Variants in RPS6KC1 observed in about 807,000 individuals in gnomAD.
The protein encoded by RPS6KC1 is inactive ribosomal protein S6 kinase delta-1.
A neutral mutation model predicts 103.8 loss-of-function variants in RPS6KC1; 54 were observed. The observed-to-expected ratio is 0.52, with a 90% CI of 0.42 to 0.65. The LOEUF (loss-of-function observed/expected upper bound fraction) is 0.65, where lower values mean the gene tolerates loss of function less well. Ranked by LOEUF, RPS6KC1 falls within the 30% of genes least tolerant of loss-of-function variation. The pLI, the probability that RPS6KC1 is intolerant of heterozygous loss-of-function variation, is 0.00. For missense variants in RPS6KC1, 1,151 were observed against 1,253.8 expected, an observed-to-expected ratio of 0.92 and a Z score of 1.24; for synonymous variants, 439 against 438.7, an observed-to-expected ratio of 1.00 and a Z score of -0.01.
intron 3 of RPS6KC1, among the ~76,000 whole-genome samples, chr1:213,081,611 C>T (rs1041266310): frequency 8.6e-5 from 13 of 151,790 alleles, no homozygotes; most frequent in African/African-American, 2.9e-4. Context: ...ATATCTCATT[C>T]CTGAGATTTA....
the RPS6KC1 span, among the ~76,000 whole-genome samples, chr1:213,702,853 T>TTTTG: frequency 1.5e-4 from 22 of 150,994 alleles, no homozygotes; most frequent in Non-Finnish European, 2.8e-4. Flanking sequence ...GAGGTTTTTT[T>TTTTG]TGTTTGTTTG....
intron 14 of RPS6KC1, among the ~76,000 whole-genome samples, chr1:213,271,720 C>T (rs1267080192): frequency 1.4e-5 from 2 of 145,412 alleles, no homozygotes; most frequent in Admixed American, 7.1e-5. Flanking sequence ...GTCGAGATCG[C>T]GCCACTGCAC....
the RPS6KC1 span, among the ~76,000 whole-genome samples, chr1:213,364,148 A>G: frequency 6.6e-6 from 1 of 152,214 alleles, no homozygotes; most frequent in African/African-American, 2.4e-5. Context: ...CAGAAAATAC[A>G]TAAACAAATG....
chr1:213,202,714 G>A (rs866171502), intron 8 of RPS6KC1, among the ~76,000 whole-genome samples: 22 of 152,112 alleles, frequency 1.4e-4, no homozygotes, highest in African/African-American at 4.8e-4. Flanking sequence ...GAATGGCTGA[G>A]TTAGGGTCTT....
the RPS6KC1 span, among the ~76,000 whole-genome samples, chr1:213,760,157 A>G: frequency 6.6e-6 from 1 of 152,178 alleles, no homozygotes; most frequent in African/African-American, 2.4e-5. Context: ...AGGTTAATAC[A>G]CTCAAGTCAG....
At chr1:213,437,653 T>C in the RPS6KC1 span, among the ~76,000 whole-genome samples, 1 of 152,070 alleles carries the variant, frequency 6.6e-6, no homozygotes, top group Middle Eastern at 3.4e-3. Context: ...ACTAAATAGA[T>C]ACACACTATT....
chr1:213,347,510 C>G, the RPS6KC1 span, among the ~76,000 whole-genome samples: 1 of 152,184 alleles, frequency 6.6e-6, no homozygotes, highest in Admixed American at 6.5e-5. Flanking sequence ...TTGAGACCAG[C>G]CTGGTCAACA....
At position 213,150,999 on chromosome 1, in the gene RPS6KC1, C is replaced by T. The variant is rs1351969124; in HGVS notation, c.836-16859C>T. ...CGGCTGGCCGGGCAGGGGGCTGACC[C>T]CCCCCACCTCCCTCCCGGACGGGGC... is the stretch of plus-strand genomic sequence containing the variant. On this transcript the variant is annotated intron_variant, in intron 6 of 14. Transcript: ENST00000366960. 5.7e-3 allele frequency among the ~76,000 whole-genome samples: 840 copies of T among 147,752 alleles called. 17 individuals are homozygous for T. Among genetic ancestry groups the T allele is most frequent in the African/African-American group, 0.02 (783 of 40,018 alleles).
chr1:213,772,253 G>A, the RPS6KC1 span, among the ~76,000 whole-genome samples: 1 of 152,126 alleles, frequency 6.6e-6, no homozygotes, highest in Non-Finnish European at 1.5e-5. Context: ...CTGCACAATA[G>A]TGTCCAACAT....
the RPS6KC1 span, among the ~76,000 whole-genome samples, chr1:213,740,650 C>A: frequency 7.9e-5 from 12 of 151,274 alleles, no homozygotes; most frequent in Middle Eastern, 3.5e-3. Context: ...ATACATATAT[C>A]TCTCAGATAT....
chr1:213,173,100 G>A lies in RPS6KC1; in HGVS notation c.952-3300G>A, dbSNP rs187603242. Among the ~76,000 whole-genome samples, 4 of 152,204 alleles carry A rather than the reference G, an allele frequency of 2.6e-5. No individual in the cohort carries two copies. In the East Asian group the frequency reaches 7.7e-4, roughly 29 times the overall value. On this transcript the variant is annotated intron_variant, in intron 7 of 14. Coordinates refer to ENST00000366960, the MANE Select transcript of RPS6KC1 (RefSeq NM_012424.6). The stretch of plus-strand genomic sequence containing the variant: ...TCATCTAAAAAAAAAAGTTGGACTT[G>A]ATCTCTAAGGTCTCTTTCTGCTCTT...
At chr1:213,664,894 A>G in the RPS6KC1 span, among the ~76,000 whole-genome samples, 1 of 152,308 alleles carries the variant, frequency 6.6e-6, no homozygotes, top group South Asian at 2.1e-4. Flanking sequence ...TGCTTTATAT[A>G]TGAAAGAGCA....
intron 6 of RPS6KC1, among the ~76,000 whole-genome samples, chr1:213,151,376 C>T (rs1306143505): frequency 6.0e-5 from 8 of 133,072 alleles, no homozygotes; most frequent in Admixed American, 1.4e-4. Context: ...CCGGACGGGG[C>T]GGCTGGCCGG....
the RPS6KC1 span, among the ~76,000 whole-genome samples, chr1:213,779,084 A>C: frequency 6.6e-6 from 1 of 152,204 alleles, no homozygotes; most frequent in African/African-American, 2.4e-5. Flanking sequence ...TGAGCATCTA[A>C]AAGAAAAATA....
the RPS6KC1 span, among the ~76,000 whole-genome samples, chr1:213,608,844 C>G: frequency 1.3e-5 from 2 of 152,122 alleles, no homozygotes; most frequent in African/African-American, 4.8e-5. Context: ...AAAATGGATT[C>G]ATTAATAGAA....
the RPS6KC1 span, among the ~76,000 whole-genome samples, chr1:213,854,510 CTCTTTCTTTCTTTCTTTCTT>C: frequency 3.6e-4 from 43 of 120,934 alleles, no homozygotes; most frequent in East Asian, 4.7e-4. Context: ...CTCTTTCTTT[CTCTTTCTTTCTTTCTTTCTT>C]TCTTTCTTTC....
the RPS6KC1 span, among the ~76,000 whole-genome samples, chr1:213,379,504 A>G: frequency 6.6e-6 from 1 of 152,206 alleles, no homozygotes; most frequent in Non-Finnish European, 1.5e-5. Context: ...ATTCCGCCTT[A>G]GCCCCAAGAA....
At chr1:213,384,735 G>C in the RPS6KC1 span, among the ~76,000 whole-genome samples, 3 of 152,190 alleles carry the variant, frequency 2.0e-5, no homozygotes, top group Admixed American at 2.0e-4. Context: ...TTCAAATGAG[G>C]AGAGCTGACA....
At chr1:213,437,682 T>G in the RPS6KC1 span, among the ~76,000 whole-genome samples, 1 of 151,868 alleles carries the variant, frequency 6.6e-6, no homozygotes, top group African/African-American at 2.4e-5. Context: ...TTATTTGCTA[T>G]TGTGTCAGGT....
Sources: allele counts gnomAD v4.1 joint callset (sites outside exome capture counted in the v4.1 genomes callset), GRCh38; gene constraint gnomAD v4.1.1; transcripts MANE v1.5; gene names NCBI Gene and HGNC (gene_info 2026-07-23, HGNC 2026-07-21).